PTK2: variants seen among roughly 807,000 people sequenced by gnomAD.
PTK2 encodes focal adhesion kinase 1.
Under a neutral mutation model 150.1 loss-of-function variants are expected in PTK2, and 45 were observed. The ratio of observed to expected loss-of-function variants is 0.30; its 90% CI spans 0.24 to 0.38. The LOEUF (loss-of-function observed/expected upper bound fraction) is 0.38, where lower values mean the gene tolerates loss of function less well. PTK2 is among the 10% of genes least tolerant of loss of function. The pLI is 1.00. For missense variants in PTK2, 919 were observed against 1,307.3 expected, an observed-to-expected ratio of 0.70 and a Z score of 4.58; for synonymous variants, 432 against 449.2, an observed-to-expected ratio of 0.96 and a Z score of 0.48.
At chr8:140,821,690 CA>C (rs1338037443) in intron 8 of PTK2, 2 of 152,186 alleles carry the variant, frequency 1.3e-5, no homozygotes, top group Non-Finnish European at 2.9e-5. Context: ...AAAATGAAGA[CA>C]AAAGAGAAGG....
At chr8:140,906,004 TA>T (rs994518444) in intron 2 of PTK2, among the ~76,000 whole-genome samples, 69 of 142,448 alleles carry the variant, frequency 4.8e-4, no homozygotes, top group Admixed American at 6.3e-4. Flanking sequence ...ATCCTGTCTC[TA>T]AAAAAAAAAA....
At chr8:140,935,217 T>C (rs1460853203) in intron 1 of PTK2, among the ~76,000 whole-genome samples, 1 of 152,064 alleles carries the variant, frequency 6.6e-6, no homozygotes, top group Admixed American at 6.6e-5. Context: ...AAAAGCTACT[T>C]TACACCCATG....
At chr8:140,860,328 G>A (rs2100135319) in intron 5 of PTK2, among the ~76,000 whole-genome samples, 1 of 152,086 alleles carries the variant, frequency 6.6e-6, no homozygotes, top group African/African-American at 2.4e-5. Flanking sequence ...AGAATTATTA[G>A]GTCCAATCAT....
chr8:140,913,143 A>G (rs539447071), intron 2 of PTK2, among the ~76,000 whole-genome samples: 1 of 152,192 alleles, frequency 6.6e-6, no homozygotes, highest in East Asian at 1.9e-4. Context: ...AGAAAAGAAA[A>G]CTATTTTTAT....
At chr8:140,762,211 T>TA (rs1233120617) in intron 15 of PTK2, among the ~76,000 whole-genome samples, 157 bp downstream of exon 18, 1 of 152,178 alleles carries the variant, frequency 6.6e-6, no homozygotes, top group Non-Finnish European at 1.5e-5. Flanking sequence ...TTTTCCTCTT[T>TA]AAAATCACTT....
At chr8:140,699,005 G>A (rs2100028604) in intron 26 of PTK2, among the ~76,000 whole-genome samples, 1 of 143,960 alleles carries the variant, frequency 6.9e-6, no homozygotes, top group South Asian at 2.2e-4. Flanking sequence ...CTGGCCTCAA[G>A]TGATCTGCCC....
intron 8 of PTK2, among the ~76,000 whole-genome samples, chr8:140,829,458 TTC>T (rs1323333787): frequency 6.6e-6 from 1 of 152,210 alleles, no homozygotes; most frequent in East Asian, 1.9e-4. Context: ...ACGTCGACAG[TTC>T]TCTCTCTTTT....
intron 14 of PTK2, among the ~76,000 whole-genome samples, chr8:140,766,695 T>C (rs569258317): frequency 2.0e-5 from 3 of 152,282 alleles, no homozygotes; most frequent in Admixed American, 2.0e-4. Context: ...AGGAACGCTA[T>C]ACCCCTAAGA....
chr8:140,784,461 C>G (rs140911124), intron 14 of PTK2, among the ~76,000 whole-genome samples: 4 of 152,162 alleles, frequency 2.6e-5, no homozygotes, highest in Non-Finnish European at 5.9e-5. Context: ...ACACAATAAT[C>G]CACCAAACAA....
At chr8:140,730,953 ACCCC>A (rs10713091) in intron 22 of PTK2, among the ~76,000 whole-genome samples, 1 of 96,626 alleles carries the variant, frequency 1.0e-5, no homozygotes, top group African/African-American at 3.8e-5. Flanking sequence ...ATTAAATTAA[ACCCC>A]CCCCCCCCTT....
intron 1 of PTK2, among the ~76,000 whole-genome samples, chr8:140,967,644 G>A (rs909524995): frequency 6.6e-6 from 1 of 151,974 alleles, no homozygotes; most frequent in Non-Finnish European, 1.5e-5. Context: ...ATTTTTAGTA[G>A]AGACAGGGTT....
intron 7 of PTK2, among the ~76,000 whole-genome samples, chr8:140,834,440 A>T (rs570732250): frequency 9.8e-5 from 15 of 152,324 alleles, no homozygotes; most frequent in Non-Finnish European, 1.8e-4. Context: ...GCTTGTATAT[A>T]CATAGCAGAG....
intron 5 of PTK2, among the ~76,000 whole-genome samples, chr8:140,855,901 C>T (rs573049956): frequency 6.6e-6 from 1 of 151,978 alleles, no homozygotes; most frequent in Non-Finnish European, 1.5e-5. Context: ...GAACTGCACA[C>T]TTAAAAATGG....
intron 26 of PTK2, among the ~76,000 whole-genome samples, chr8:140,696,740 C>A (rs1036813464): frequency 1.3e-5 from 2 of 152,060 alleles, no homozygotes; most frequent in African/African-American, 4.8e-5. Context: ...AAAAAATAAA[C>A]TCATAAAAGA....
intron 2 of PTK2, among the ~76,000 whole-genome samples, chr8:140,914,881 A>C (rs1337074772): frequency 1.3e-5 from 2 of 151,936 alleles, no homozygotes; most frequent in Non-Finnish European, 2.9e-5. Context: ...TAAAAACACA[A>C]AATTAGCCGG....
intron 4 of PTK2, among the ~76,000 whole-genome samples, chr8:140,867,774 C>T (rs1023472760): frequency 2.0e-5 from 3 of 152,218 alleles, no homozygotes; most frequent in African/African-American, 7.2e-5. Context: ...TTGTTCCCTG[C>T]TTCAACACAC....
intron 1 of PTK2, among the ~76,000 whole-genome samples, chr8:140,970,065 G>A (rs1038146490): frequency 3.9e-5 from 6 of 152,204 alleles, no homozygotes; most frequent in African/African-American, 1.4e-4. Flanking sequence ...GCTCCTACTA[G>A]GAATTCCCAG....
In PTK2 at chr8:140,717,582, T is replaced by C. The variant is rs772899785; in HGVS notation, c.2142+16A>G. The C allele has an allele frequency of 2.5e-6, 4 of 1,589,480 alleles. No homozygotes were observed. The highest frequency in any genetic ancestry group is 1.7e-5 in the Admixed American group (1 of 59,940). ...AGTAAGAGTAACCCCAAAGTTGGGGTGGGGACTGTAGCTACCTTGGGCGGT... is the reference window on the plus strand; with the variant it reads ...AGTAAGAGTAACCCCAAAGTTGGGGCGGGGACTGTAGCTACCTTGGGCGGT... On this transcript the variant is annotated intron_variant, in intron 23 of 31. Coordinates refer to ENST00000522684, the Ensembl canonical transcript of PTK2.
rs370398003 is a variant in PTK2, at chr8:140,695,790, G to A, written c.2499+5101C>T. Among the ~76,000 whole-genome samples, 51 of 152,260 alleles carry A rather than the reference G, an allele frequency of 3.3e-4. 1 individual carries two copies. Among genetic ancestry groups the A allele is most frequent in the African/African-American group, 1.0e-3 (43 of 41,552 alleles). ...AATCAGAGAGTGACCTTGGGACCAC[G>A]TCTCAACAATCAACTGGGGTGCTTG... On this transcript the variant is annotated intron_variant, in intron 26 of 31. Transcript: ENST00000522684.
Sources: allele counts gnomAD v4.1 joint callset (sites outside exome capture counted in the v4.1 genomes callset), GRCh38; gene constraint gnomAD v4.1.1; transcripts MANE v1.5; gene names NCBI Gene and HGNC (gene_info 2026-07-23, HGNC 2026-07-21).